FHOD1: variants seen among roughly 807,000 people sequenced by gnomAD.
FHOD1 encodes the protein FH1/FH2 domain-containing protein 1.
FHOD1 carries 89 observed loss-of-function variants against 111.6 expected under a neutral mutation model. The ratio of observed to expected loss-of-function variants is 0.80; its 90% CI spans 0.67 to 0.95. The LOEUF (loss-of-function observed/expected upper bound fraction) is 0.95. FHOD1 is among the 40% of genes least tolerant of loss of function. The pLI, the probability that FHOD1 is intolerant of heterozygous loss-of-function variation, is 0.00. For missense variants in FHOD1, 1,446 were observed against 1,554.2 expected (o/e 0.93, Z 1.17); for synonymous variants, 618 against 639.0 (o/e 0.97, Z 0.50).
chr16:67,232,518 CAAAAAAAAAAA>C (rs988902359), intron 13 of FHOD1, among the ~76,000 whole-genome samples: 2 of 48,606 alleles, frequency 4.1e-5, no homozygotes, highest in Non-Finnish European at 8.8e-5. Flanking sequence ...GACTCTGTCT[CAAAAAAAAAAA>C]AAAAAAAAAA....
At chr16:67,236,025 G>T (rs2034462004) in intron 11 of FHOD1, 12 of 984,774 alleles carry the variant, frequency 1.2e-5, no homozygotes, top group Non-Finnish European at 1.4e-5. Context: ...CTCCAGCCTG[G>T]CCTGCCCAGG....
At chr16:67,234,931 T>A (rs934636387) in intron 11 of FHOD1, among the ~76,000 whole-genome samples, 41 of 151,948 alleles carry the variant, frequency 2.7e-4, no homozygotes, top group Admixed American at 5.3e-4. Flanking sequence ...GCTGATTTTT[T>A]AATTTTTTTG....
chr16:67,236,854 G>C, intron 10 of FHOD1, 112 bp downstream of exon 10: 1 of 1,444,110 alleles, frequency 6.9e-7, no homozygotes, highest in Non-Finnish European at 9.3e-7. Context: ...AGTGGAGGAG[G>C]TGGGGGCTGT....
Position 67,230,395 on chromosome 16 carries a change from G to A in FHOD1, c.2970C>T (p.Cys990=), listed in dbSNP as rs758611946. ...LREFALEYRT[C]RERVLQQQQK... Reference sequence around the variant, plus strand: ...GCTGCTGCTGTAGCACTCGTTCCCGGCAAGTCCGATACTCAAGCGCAAATT... The same window carrying A: ...GCTGCTGCTGTAGCACTCGTTCCCGACAAGTCCGATACTCAAGCGCAAATT... The change falls in exon 19 of 22, where the codon TGC becomes TGT. Residue 990 remains cysteine (C), a synonymous_variant. Coordinates refer to ENST00000258201, the MANE Select transcript of FHOD1 (RefSeq NM_013241.3). 193 of 1,614,104 alleles carry A rather than the reference G, an allele frequency of 1.2e-4. No homozygotes were observed. The highest frequency in any genetic ancestry group is 6.8e-6 in the Non-Finnish European group (8 of 1,180,040).
Position 67,230,077 on chromosome 16 carries a change from C to T in FHOD1, c.3203G>A (p.Arg1068His), listed in dbSNP as rs763111646. ...GCTATGGGCCTCACCTCTGCTGCGG[C>T]GATTGTGTGTGGTGTCCTCAGGCCT... ...TSRPEDTTHN[R>H]RSRGMVQSSS... The change falls in exon 20 of 22, where the codon CGC becomes CAC. Residue 1068 changes from arginine to histidine, a missense_variant. This residue lies in a region of FHOD1 where 1,085 missense variants were observed against 1,108.8 expected (regional missense o/e 0.98). Coordinates refer to ENST00000258201, the MANE Select transcript of FHOD1 (RefSeq NM_013241.3). 5 of 1,613,948 alleles carry T rather than the reference C, an allele frequency of 3.1e-6. No homozygotes were observed. The highest frequency in any genetic ancestry group is 3.3e-5 in the Admixed American group (2 of 60,018).
At position 67,236,551 on chromosome 16, in the gene FHOD1, A is replaced by G. The variant is rs746129898; in HGVS notation, c.1319+6T>C. 10 of 1,611,610 alleles carry G rather than the reference A, an allele frequency of 6.2e-6. No individual in the cohort carries two copies. The South Asian group carries it at 8.9e-5, about 14-fold the overall frequency. ...ACTCCAGGGTGGCCTCTGTCTCCCT[A>G]CTTACTTGTAGATGCTCCTCTCGCT... On this transcript the variant is annotated splice_donor_region_variant and intron_variant, in intron 11 of 21. Coordinates refer to ENST00000258201, the MANE Select transcript of FHOD1 (RefSeq NM_013241.3).
At chr16:67,236,942 C>T (rs775096702) in intron 10 of FHOD1, 24 bp downstream of exon 10, 2 of 1,453,542 alleles carry the variant, frequency 1.4e-6, no homozygotes, top group Admixed American at 2.0e-5. Context: ...CCACCCTTTC[C>T]CATCTACAGA....
intron 11 of FHOD1, chr16:67,236,286 T>G (rs1597323469): frequency 3.0e-6 from 3 of 984,626 alleles, no homozygotes; most frequent in African/African-American, 1.7e-5. Flanking sequence ...AACAAGGGAG[T>G]GACAGATAGT....
At position 67,231,051 on chromosome 16, in the gene FHOD1, G is replaced by C; in HGVS notation, c.2667+137C>G. 8.7e-7 allele frequency: 1 copy of C among 1,148,072 alleles called. No homozygotes were observed. Among genetic ancestry groups the C allele is most frequent in the Non-Finnish European group, 1.2e-6 (1 of 812,866 alleles). The allele number at this position is 1,148,072 out of a possible 1,614,324, so 71.1% of individuals were successfully genotyped here. On this transcript the variant is annotated intron_variant, in intron 17 of 21. Coordinates refer to ENST00000258201, the MANE Select transcript of FHOD1 (RefSeq NM_013241.3). This position sits in a 1 kb window ranked among gnomAD's most constrained non-coding sequence, Gnocchi z 4.3. ...TAGAGGAAAGAGCATTTCTGGCAGAGGGCATAGCTCACACCCAGGTGGCTG... is the reference window on the plus strand; with the variant it reads ...TAGAGGAAAGAGCATTTCTGGCAGACGGCATAGCTCACACCCAGGTGGCTG...
Position 67,236,653 on chromosome 16 carries a change from A to T in FHOD1, c.1223T>A (p.Val408Glu), listed in dbSNP as rs898890195. The T allele has an allele frequency of 2.5e-6, 4 of 1,611,630 alleles. No homozygotes were observed. Among genetic ancestry groups the T allele is most frequent in the Middle Eastern group, 1.7e-4 (1 of 6,024 alleles). Residue 408 changes from valine to glutamate, a missense_variant, in exon 11 of 22, where the codon GTG becomes GAG. By Grantham distance (121) the Val-to-Glu change is moderately radical. This residue lies in a region of FHOD1 where 1,085 missense variants were observed against 1,108.8 expected (regional missense o/e 0.98). Transcript: ENST00000258201. ...ALLTGPASSP[V>E]GPPSGLQASV... ...AGCTTGGAGACCGGAGGGAGGGCCC[A>T]CAGGGCTGGAGGCGGGGCCTGTCAG...
At chr16:67,232,541 AG>A (rs2034320735) in intron 13 of FHOD1, among the ~76,000 whole-genome samples, 2 of 150,488 alleles carry the variant, frequency 1.3e-5, no homozygotes, top group South Asian at 2.1e-4. Flanking sequence ...AAAAAAAAAA[AG>A]ACTGAGGAAG....
chr16:67,242,383 G>A (rs555158669), intron 1 of FHOD1, among the ~76,000 whole-genome samples: 3 of 152,224 alleles, frequency 2.0e-5, no homozygotes, highest in Non-Finnish European at 4.4e-5. Flanking sequence ...CCAGGACAGT[G>A]TCTCCCCACC....
At chr16:67,243,885 C>CA (rs1157240146) in intron 1 of FHOD1, among the ~76,000 whole-genome samples, 2 of 152,202 alleles carry the variant, frequency 1.3e-5, no homozygotes, top group Non-Finnish European at 2.9e-5. Context: ...GTCTGCAGCT[C>CA]AGCCACTCTG....
intron 1 of FHOD1, among the ~76,000 whole-genome samples, chr16:67,245,312 A>T (rs2034779671): frequency 6.6e-6 from 1 of 152,186 alleles, no homozygotes; most frequent in Non-Finnish European, 1.5e-5. Context: ...TAGTGTCCTC[A>T]GCTAAGGAGC....
rs2034156319 is a variant in FHOD1 at position 67,229,464 on chromosome 16, A to G, written c.*172T>C. ...CACACATGCACATGCATATGCATGCACACACACACATACACACACACTCAC... is the reference window on the plus strand; with the variant it reads ...CACACATGCACATGCATATGCATGCGCACACACACATACACACACACTCAC... On this transcript the variant is annotated 3_prime_UTR_variant, in exon 22 of 22. Transcript: ENST00000258201. 3.2e-6 allele frequency: 2 copies of G among 625,628 alleles called. No homozygotes were observed. The highest frequency in any genetic ancestry group is 1.9e-5 in the South Asian group (1 of 52,186). 38.8% of individuals were successfully genotyped at this position (625,628 alleles called of 1,614,324 possible).
intron 11 of FHOD1, among the ~76,000 whole-genome samples, chr16:67,235,149 G>A (rs2034432063): frequency 6.6e-6 from 1 of 152,192 alleles, no homozygotes; most frequent in African/African-American, 2.4e-5. Flanking sequence ...TAGAGCAGGG[G>A]AAGGGGATAG....
Position 67,231,834 on chromosome 16 carries a change from A to G in FHOD1, c.2203-15T>C. On this transcript the variant is annotated splice_polypyrimidine_tract_variant and intron_variant, in intron 14 of 21. Coordinates refer to ENST00000258201, the MANE Select transcript of FHOD1 (RefSeq NM_013241.3). The surrounding 1 kb of genome is among the most constrained non-coding windows in gnomAD (Gnocchi z 4.3). ...GTCAGTAGCTTCTGAGGATGTAGCC[A>G]GAGCCTGACATGGCCCCCTCAATGC... 6.2e-7 allele frequency: 1 copy of G among 1,611,272 alleles called. No individual in the cohort carries two copies. The highest frequency in any genetic ancestry group is 1.3e-5 in the African/African-American group (1 of 74,990).
rs200358651 is a variant in FHOD1, at chr16:67,237,458, C to T, written c.849+17G>A. The T allele has an allele frequency of 5.0e-6, 8 of 1,614,158 alleles. No homozygotes were observed. The East Asian group carries it at 1.6e-4, about 31-fold the overall frequency. On this transcript the variant is annotated intron_variant, in intron 8 of 21. Transcript: ENST00000258201. The surrounding 1 kb of genome is among the most constrained non-coding windows in gnomAD (Gnocchi z 5.6). ...AGCCTGAGCATCCCAGAGCTGGCAC[C>T]CAGTCCTTGGCCACACCTTGTTGAT...
Position 67,247,394 on chromosome 16 carries a change from T to G in FHOD1, c.17A>C (p.Asp6Ala), listed in dbSNP as rs2034906208. MAGGE[D>A]RGDGEPVSVV... The stretch of plus-strand genomic sequence containing the variant: ...TGATACCGGCTCTCCGTCCCCGCGG[T>G]CTTCCCCGCCCGCCATGGCTCTGCG... Residue 6 changes from aspartate to alanine, a missense_variant, in exon 1 of 22, where the codon GAC (aspartate) becomes GCC (alanine). Around this residue, in one of 3 missense-constraint regions of FHOD1, gnomAD observed 127 missense variants for 118.0 expected, o/e 1.08. Transcript: ENST00000258201. 3 of 1,612,792 alleles carry G rather than the reference T, an allele frequency of 1.9e-6. No homozygotes were observed. Among genetic ancestry groups the G allele is most frequent in the Non-Finnish European group, 2.5e-6 (3 of 1,179,656 alleles).
Sources: gnomAD v4.1 joint callset for allele counts (sites outside exome capture counted in the v4.1 genomes callset) on GRCh38, gnomAD v4.1.1 for gene constraint, gnomAD v4.1.1 regional missense constraint, Gnocchi (gnomAD v3.1) non-coding constraint, MANE v1.5 for transcripts, NCBI Gene and HGNC (gene_info 2026-07-23, HGNC 2026-07-21) for gene names.